SLC24A3: variants seen among roughly 807,000 people sequenced by gnomAD.
SLC24A3 encodes solute carrier family 24 member 3.
A neutral mutation model predicts 75.8 loss-of-function variants in SLC24A3; 28 were observed. The ratio of observed to expected loss-of-function variants is 0.37; its 90% CI spans 0.27 to 0.51. SLC24A3 has a LOEUF of 0.51. Ranked by LOEUF, SLC24A3 falls within the 20% of genes least tolerant of loss-of-function variation. SLC24A3 has a pLI of 0.94. For missense variants in SLC24A3, 663 were observed against 847.8 expected, an observed-to-expected ratio of 0.78 and a Z score of 2.71; for synonymous variants, 372 against 334.1, an observed-to-expected ratio of 1.11 and a Z score of -1.24.
rs1009916164 is a variant in SLC24A3 at position 19,293,679 on chromosome 20, A to G, written c.271+12592A>G. 7.4e-5 allele frequency among the ~76,000 whole-genome samples: 11 copies of G among 148,296 alleles called. No homozygotes were observed. In the East Asian group the frequency reaches 2.2e-3, roughly 29 times the overall value. On this transcript the variant is annotated intron_variant, in intron 2 of 16. Transcript: ENST00000328041. ...TCAAAAAAAAAAAAAAAAAAAAGGG[A>G]TATTTCCTTTAAGGATGCCCAAGCA...
chr20:19,578,300 G>T (rs2031170036), intron 3 of SLC24A3, among the ~76,000 whole-genome samples: 2 of 151,858 alleles, frequency 1.3e-5, no homozygotes, highest in African/African-American at 4.8e-5. Flanking sequence ...TTGCGTGTGT[G>T]TGCCTGTGGG....
chr20:19,628,000 C>T (rs967094295), intron 6 of SLC24A3, among the ~76,000 whole-genome samples: 1 of 151,634 alleles, frequency 6.6e-6, no homozygotes, highest in Non-Finnish European at 1.5e-5. Flanking sequence ...GATTGAGACC[C>T]TCTTGGCCAA....
intron 2 of SLC24A3, among the ~76,000 whole-genome samples, chr20:19,334,431 T>TAA (rs11481938): frequency 8.6e-5 from 13 of 151,142 alleles, no homozygotes; most frequent in Admixed American, 4.6e-4. Context: ...ATCAACACAG[T>TAA]AAAAAAAAAG....
chr20:19,705,698 T>C (rs1329206211), intron 15 of SLC24A3, among the ~76,000 whole-genome samples: 1 of 152,104 alleles, frequency 6.6e-6, no homozygotes. Flanking sequence ...GCCAACAATT[T>C]TGAGCAATTT....
intron 3 of SLC24A3, among the ~76,000 whole-genome samples, chr20:19,545,430 C>A (rs899179781): frequency 7.9e-5 from 12 of 152,208 alleles, no homozygotes; most frequent in African/African-American, 2.9e-4. Flanking sequence ...TCCGTGTATG[C>A]AGATTGGGTT....
At chr20:19,457,012 A>G (rs13039734) in intron 2 of SLC24A3, among the ~76,000 whole-genome samples, 5,110 of 152,356 alleles carry the variant, frequency 0.034, 128 homozygotes, top group Non-Finnish European at 0.052. Context: ...AAGAGGAGGC[A>G]TGTGCCAGAC....
At chr20:19,346,400 T>C (rs1985430648) in intron 2 of SLC24A3, among the ~76,000 whole-genome samples, 1 of 144,628 alleles carries the variant, frequency 6.9e-6, no homozygotes, top group Non-Finnish European at 1.5e-5. Flanking sequence ...ATATGGTGTA[T>C]ATATATGGTA....
chr20:19,279,999 G>A (rs1983611631), intron 1 of SLC24A3, among the ~76,000 whole-genome samples: 1 of 152,194 alleles, frequency 6.6e-6, no homozygotes, highest in Non-Finnish European at 1.5e-5. Flanking sequence ...CTGGGTCAAG[G>A]AGAAATGCTT....
At chr20:19,597,728 C>A (rs2031469452) in intron 6 of SLC24A3, among the ~76,000 whole-genome samples, 1 of 152,178 alleles carries the variant, frequency 6.6e-6, no homozygotes, top group South Asian at 2.1e-4. Flanking sequence ...TCCCCTCACC[C>A]CACACCCTGC....
intron 2 of SLC24A3, among the ~76,000 whole-genome samples, chr20:19,474,120 A>G (rs1987921292): frequency 6.6e-6 from 1 of 152,194 alleles, no homozygotes; most frequent in Non-Finnish European, 1.5e-5. Flanking sequence ...TGGCAATTCC[A>G]GTCTAGCTTT....
chr20:19,543,709 G>T (rs1182224136), intron 3 of SLC24A3, among the ~76,000 whole-genome samples: 1 of 152,170 alleles, frequency 6.6e-6, no homozygotes, highest in Non-Finnish European at 1.5e-5. Context: ...ACCATGCTTT[G>T]TGCGTAGCCA....
chr20:19,338,148 A>G (rs1233930208), intron 2 of SLC24A3, among the ~76,000 whole-genome samples: 2 of 152,210 alleles, frequency 1.3e-5, no homozygotes, highest in Non-Finnish European at 2.9e-5. Context: ...TTTTCCTTTA[A>G]TAGAAAGAAG....
At chr20:19,562,452 C>T (rs144247988) in intron 3 of SLC24A3, among the ~76,000 whole-genome samples, 1 of 152,272 alleles carries the variant, frequency 6.6e-6, no homozygotes, top group Admixed American at 6.5e-5. Context: ...GAATTTCAAG[C>T]TAGCCTACAT....
At chr20:19,511,700 G>A (rs1016471423) in intron 2 of SLC24A3, among the ~76,000 whole-genome samples, 1 of 152,106 alleles carries the variant, frequency 6.6e-6, no homozygotes, top group Non-Finnish European at 1.5e-5. Context: ...TATCTAAAAG[G>A]GAAAATAAAA....
At chr20:19,515,056 A>T (rs1215941209) in intron 2 of SLC24A3, among the ~76,000 whole-genome samples, 1 of 152,252 alleles carries the variant, frequency 6.6e-6, no homozygotes, top group African/African-American at 2.4e-5. Context: ...CAATGCATGC[A>T]TGCAGCAAAG....
chr20:19,419,367 CT>C (rs113298720), intron 2 of SLC24A3, among the ~76,000 whole-genome samples: 6,676 of 142,746 alleles, frequency 0.047, 485 homozygotes, highest in East Asian at 0.38. Flanking sequence ...AAGCTAGCTT[CT>C]TTTTTTTTTT....
chr20:19,657,800 T>C (rs1251252069), intron 7 of SLC24A3, among the ~76,000 whole-genome samples: 2 of 152,212 alleles, frequency 1.3e-5, no homozygotes, highest in African/African-American at 4.8e-5. Context: ...TTTTTTCTTC[T>C]TCTCCTCTTT....
chr20:19,625,738 T>C (rs2031858265), intron 6 of SLC24A3, among the ~76,000 whole-genome samples: 1 of 152,198 alleles, frequency 6.6e-6, no homozygotes, highest in Admixed American at 6.5e-5. Flanking sequence ...TGCAAACATA[T>C]ATTTTGTCAT....
intron 9 of SLC24A3, 124 bp from the exon 10 acceptor site, chr20:19,681,734 A>G: frequency 2.0e-6 from 3 of 1,463,952 alleles, no homozygotes; most frequent in Non-Finnish European, 1.9e-6. Flanking sequence ...TTAGAACACT[A>G]ATAACTTGAG....
Sources: allele counts gnomAD v4.1 joint callset (sites outside exome capture counted in the v4.1 genomes callset), GRCh38; gene constraint gnomAD v4.1.1; transcripts MANE v1.5; gene names NCBI Gene and HGNC (gene_info 2026-07-23, HGNC 2026-07-21).